PPP1R9A: variants seen among roughly 807,000 people sequenced by gnomAD.
The protein encoded by PPP1R9A is protein phosphatase 1 regulatory subunit 9A.
A neutral mutation model predicts 141.9 loss-of-function variants in PPP1R9A; 59 were observed. The observed-to-expected ratio is 0.42, with a 90% CI of 0.34 to 0.52. The LOEUF (loss-of-function observed/expected upper bound fraction) is 0.52. Ranked by LOEUF, PPP1R9A falls within the 20% of genes least tolerant of loss-of-function variation. The probability of loss-of-function intolerance (pLI) is 0.10; values close to 1 mark genes in which losing one functional copy is unlikely to be tolerated. For missense variants in PPP1R9A, 1,444 were observed against 1,611.9 expected (o/e 0.90, Z 1.78); for synonymous variants, 500 against 569.7 (o/e 0.88, Z 1.74).
At chr7:94,984,795 T>C (rs1362804027) in intron 2 of PPP1R9A, among the ~76,000 whole-genome samples, 5 of 152,164 alleles carry the variant, frequency 3.3e-5, no homozygotes, top group Admixed American at 2.6e-4. Flanking sequence ...CCTGGATTCA[T>C]TGATTTTTTT....
intron 13 of PPP1R9A, 110 bp from the exon 14 acceptor site, chr7:95,269,097 T>C (rs1801748316): frequency 1.9e-6 from 2 of 1,044,692 alleles, no homozygotes; most frequent in Non-Finnish European, 2.7e-6. Flanking sequence ...CAACAAAAAC[T>C]GGTTTTCATG....
intron 7 of PPP1R9A, among the ~76,000 whole-genome samples, chr7:95,213,951 G>A (rs1258922283): frequency 6.6e-6 from 1 of 152,122 alleles, no homozygotes; most frequent in East Asian, 1.9e-4. Flanking sequence ...GCTAAGCTTT[G>A]TGTCACTACA....
At chr7:95,284,476 A>G in intron 17 of PPP1R9A, 146 bp downstream of exon 17, 1 of 853,276 alleles carries the variant, frequency 1.2e-6, no homozygotes, top group Non-Finnish European at 1.7e-6. Flanking sequence ...TTGCTATTTA[A>G]TCTCAGTTTG....
chr7:95,050,044 G>C (rs1584442629), intron 2 of PPP1R9A, among the ~76,000 whole-genome samples: 3 of 152,132 alleles, frequency 2.0e-5, no homozygotes, highest in Non-Finnish European at 2.9e-5. Context: ...TGGATTGTAT[G>C]GTTAGAGTAT....
At chr7:95,167,152 G>A (rs1831388042) in intron 5 of PPP1R9A, among the ~76,000 whole-genome samples, 1 of 152,148 alleles carries the variant, frequency 6.6e-6, no homozygotes, top group Non-Finnish European at 1.5e-5. Flanking sequence ...GGAGGAGCAA[G>A]TCACATCTTA....
chr7:95,212,963 G>C (rs1792452215), intron 7 of PPP1R9A, among the ~76,000 whole-genome samples: 1 of 152,090 alleles, frequency 6.6e-6, no homozygotes, highest in Admixed American at 6.6e-5. Flanking sequence ...CATATGCTCT[G>C]AGATAGACTG....
chr7:95,074,439 T>C (rs1814501894), intron 2 of PPP1R9A, among the ~76,000 whole-genome samples: 2 of 151,486 alleles, frequency 1.3e-5, no homozygotes, highest in Admixed American at 1.3e-4. Flanking sequence ...ATAATTCCTG[T>C]GTCAAAGACT....
At chr7:95,019,809 A>G (rs1455180360) in intron 2 of PPP1R9A, among the ~76,000 whole-genome samples, 2 of 127,960 alleles carry the variant, frequency 1.6e-5, no homozygotes, top group Admixed American at 7.5e-5. Flanking sequence ...TGCTTGAAGC[A>G]TTAAACATCC....
chr7:95,188,249 T>C (rs776686768), intron 5 of PPP1R9A, among the ~76,000 whole-genome samples: 1 of 152,194 alleles, frequency 6.6e-6, no homozygotes, highest in Non-Finnish European at 1.5e-5. Context: ...CTCTTTGTCT[T>C]TTTTAACTGT....
intron 1 of PPP1R9A, chr7:94,908,097 C>A (rs1790982288): frequency 2.0e-5 from 3 of 150,512 alleles, no homozygotes; most frequent in Admixed American, 2.0e-4. Context: ...GGGGTGGGAG[C>A]CGCGGCGGCC....
chr7:95,288,518 G>T lies in PPP1R9A; in HGVS notation c.3730-18G>T. ...TATCTTGGTCCTTTAACAACACTAC[G>T]TAACATTCCTATCTTAGATCCTTGA... On this transcript the variant is annotated intron_variant, in intron 18 of 19. Coordinates refer to ENST00000433360, the MANE Select transcript of PPP1R9A (RefSeq NM_001166160.2). 1 of 1,612,282 alleles carries T rather than the reference G, an allele frequency of 6.2e-7. No individual in the cohort carries two copies. The highest frequency in any genetic ancestry group is 8.5e-7 in the Non-Finnish European group (1 of 1,179,226).
chr7:95,066,532 T>C lies in PPP1R9A; in HGVS notation c.1396-44727T>C, dbSNP rs1409943240. Among the ~76,000 whole-genome samples, 6 of 152,160 alleles carry C rather than the reference T, an allele frequency of 3.9e-5. No individual in the cohort carries two copies. The East Asian group carries it at 1.2e-3, about 29-fold the overall frequency. ...ATATTATAATTAATAGAAGAGAAGA[T>C]ACTATATGTAGAAGGAATAAAGTTT... On this transcript the variant is annotated intron_variant, in intron 2 of 19. Coordinates refer to ENST00000433360, the MANE Select transcript of PPP1R9A (RefSeq NM_001166160.2).
rs1022928894 is a variant in PPP1R9A, at chr7:95,290,716, G to A, written c.*413G>A. 112 of 193,502 alleles carry A rather than the reference G, an allele frequency of 5.8e-4. No individual in the cohort carries two copies. The highest frequency in any genetic ancestry group is 2.5e-3 in the African/African-American group (108 of 42,892). The allele number at this position is 193,502 out of a possible 1,614,324, so 12.0% of individuals were successfully genotyped here. On this transcript the variant is annotated 3_prime_UTR_variant, in exon 20 of 20. Transcript: ENST00000433360. ...CCTGAAATGGCAATTGCACATGTCT[G>A]CATGGCAGAGAGCACCCTGCCATGA...
At chr7:94,940,130 A>G (rs182518876) in intron 2 of PPP1R9A, among the ~76,000 whole-genome samples, 395 of 152,214 alleles carry the variant, frequency 2.6e-3, no homozygotes, top group South Asian at 9.7e-3. Context: ...ATTATTAATT[A>G]AACCCCTATA....
chr7:94,965,607 T>G (rs909763339), intron 2 of PPP1R9A, among the ~76,000 whole-genome samples: 22 of 152,306 alleles, frequency 1.4e-4, no homozygotes, highest in Middle Eastern at 3.4e-3. Context: ...TTTTGTCAGG[T>G]TTGTCAAGGA....
intron 4 of PPP1R9A, among the ~76,000 whole-genome samples, chr7:95,136,954 A>G (rs1276542087): frequency 6.6e-6 from 1 of 152,170 alleles, no homozygotes; most frequent in African/African-American, 2.4e-5. Context: ...GTTGGAAAAG[A>G]TCATAAGCTT....
At chr7:95,144,674 C>A (rs1827291504) in intron 4 of PPP1R9A, among the ~76,000 whole-genome samples, 1 of 152,106 alleles carries the variant, frequency 6.6e-6, no homozygotes, top group African/African-American at 2.4e-5. Flanking sequence ...CCTTTAAGAT[C>A]AGGGATAAGA....
chr7:94,910,055 G>A lies in PPP1R9A; in HGVS notation c.-59G>A. On this transcript the variant is annotated 5_prime_UTR_variant, in exon 2 of 20. Coordinates refer to ENST00000433360, the MANE Select transcript of PPP1R9A (RefSeq NM_001166160.2). This position sits in a 1 kb window ranked among gnomAD's most constrained non-coding sequence, Gnocchi z 4.5. Reference sequence around the variant, plus strand: ...GGTGATTAGAGAAGAGAGGTATCTTGGTTTTTGGTTTTTTTCTTTGATCAT... The same window carrying A: ...GGTGATTAGAGAAGAGAGGTATCTTAGTTTTTGGTTTTTTTCTTTGATCAT... 1 of 1,439,190 alleles carries A rather than the reference G, an allele frequency of 6.9e-7. No individual in the cohort carries two copies. The highest frequency in any genetic ancestry group is 9.5e-7 in the Non-Finnish European group (1 of 1,056,826). The allele number at this position is 1,439,190 out of a possible 1,614,324, so 89.2% of individuals were successfully genotyped here.
At chr7:95,205,127 T>G (rs2152886898) in intron 7 of PPP1R9A, among the ~76,000 whole-genome samples, 1 of 152,302 alleles carries the variant, frequency 6.6e-6, no homozygotes, top group Admixed American at 6.5e-5. Flanking sequence ...TTTAATACAC[T>G]GTGTACAGAC....
Sources: allele counts gnomAD v4.1 joint callset (sites outside exome capture counted in the v4.1 genomes callset), GRCh38; gene constraint gnomAD v4.1.1; non-coding constraint Gnocchi (gnomAD v3.1); transcripts MANE v1.5; gene names NCBI Gene and HGNC (gene_info 2026-07-23, HGNC 2026-07-21).